Variants in CPNE4 observed in about 807,000 individuals in gnomAD.
CPNE4 encodes copine 4.
Under a neutral mutation model 67.9 loss-of-function variants are expected in CPNE4, and 25 were observed. The ratio of observed to expected loss-of-function variants is 0.37; its 90% CI spans 0.27 to 0.51. CPNE4 has a LOEUF of 0.51. Among genes scored for constraint, CPNE4 ranks in the 20% least tolerant of loss-of-function variants. The pLI, the probability that CPNE4 is intolerant of heterozygous loss-of-function variation, is 0.93. For synonymous variants in CPNE4, 242 were observed against 244.9 expected (o/e 0.99, Z 0.11); for missense variants, 464 against 690.8 (o/e 0.67, Z 3.68).
intron 2 of CPNE4, among the ~76,000 whole-genome samples, chr3:131,792,647 G>GTATA (rs200994347): frequency 0.13 from 5,681 of 42,478 alleles, 607 homozygotes; most frequent in Middle Eastern, 0.22. Flanking sequence ...GTGTATATAT[G>GTATA]TATATATACA....
chr3:131,834,727 A>G (rs1583292894), intron 2 of CPNE4, among the ~76,000 whole-genome samples: 1 of 152,198 alleles, frequency 6.6e-6, no homozygotes, highest in East Asian at 1.9e-4. Context: ...AAGAAATCAC[A>G]GTAGAAAAAA....
At chr3:131,736,115 A>T (rs1270410088) in intron 2 of CPNE4, among the ~76,000 whole-genome samples, 2 of 152,184 alleles carry the variant, frequency 1.3e-5, no homozygotes, top group Non-Finnish European at 2.9e-5. Context: ...TTCAGGCATG[A>T]GTCTCAGGCC....
At chr3:131,736,987 G>A (rs985065492) in intron 2 of CPNE4, among the ~76,000 whole-genome samples, 9 of 151,874 alleles carry the variant, frequency 5.9e-5, no homozygotes, top group African/African-American at 2.2e-4. Context: ...CCCTAAGACT[G>A]TCACAAGATA....
chr3:131,747,918 C>A (rs2082531942), intron 2 of CPNE4, among the ~76,000 whole-genome samples: 1 of 152,078 alleles, frequency 6.6e-6, no homozygotes, highest in African/African-American at 2.4e-5. Flanking sequence ...AGATACCCTG[C>A]TTTGTTGCCT....
intron 1 of CPNE4, among the ~76,000 whole-genome samples, chr3:131,938,859 T>C (rs183929238): frequency 6.6e-6 from 1 of 152,108 alleles, no homozygotes; most frequent in Non-Finnish European, 1.5e-5. Flanking sequence ...AAAGGGCATA[T>C]CACTCAAGTC....
chr3:131,564,426 G>C (rs1356837285), intron 10 of CPNE4, 77 bp from the exon 11 acceptor site: 9 of 1,423,336 alleles, frequency 6.3e-6, no homozygotes, highest in Admixed American at 4.2e-5. Context: ...TCATGAGAGA[G>C]ACCTGGCCTC....
intron 1 of CPNE4, among the ~76,000 whole-genome samples, chr3:131,923,387 G>T (rs1012347326): frequency 6.6e-6 from 1 of 152,158 alleles, no homozygotes; most frequent in Non-Finnish European, 1.5e-5. Flanking sequence ...TAAGGCCTGT[G>T]AGAGGCAGGG....
intron 7 of CPNE4, among the ~76,000 whole-genome samples, chr3:131,594,757 G>T (rs947426432): frequency 3.9e-5 from 6 of 152,148 alleles, no homozygotes; most frequent in African/African-American, 1.4e-4. Flanking sequence ...AGAATTAACG[G>T]GCAACCTATG....
At chr3:131,553,110 G>A (rs1233260211) in intron 12 of CPNE4, among the ~76,000 whole-genome samples, 1 of 152,060 alleles carries the variant, frequency 6.6e-6, no homozygotes, top group East Asian at 1.9e-4. Context: ...CTATGCACAA[G>A]GTCAAATAAC....
chr3:131,886,472 C>T (rs971767973), intron 2 of CPNE4, among the ~76,000 whole-genome samples: 10 of 152,154 alleles, frequency 6.6e-5, no homozygotes, highest in African/African-American at 2.2e-4. Flanking sequence ...GGGTCATAGC[C>T]CCCACACAGA....
intron 2 of CPNE4, among the ~76,000 whole-genome samples, chr3:131,852,380 C>T (rs1292685335): frequency 6.6e-6 from 1 of 151,910 alleles, no homozygotes; most frequent in African/African-American, 2.4e-5. Flanking sequence ...GAAAATGAAT[C>T]AATAGAATTC....
intron 2 of CPNE4, among the ~76,000 whole-genome samples, chr3:131,877,422 T>C (rs1190236984): frequency 2.0e-5 from 3 of 152,146 alleles, no homozygotes; most frequent in Non-Finnish European, 4.4e-5. Flanking sequence ...ACCAGAAACT[T>C]CTTGTTACAT....
At chr3:131,806,908 A>G (rs539232282) in intron 2 of CPNE4, among the ~76,000 whole-genome samples, 15 of 152,330 alleles carry the variant, frequency 9.8e-5, no homozygotes, top group African/African-American at 3.4e-4. Flanking sequence ...TAGTTTTCAC[A>G]GTTCCCCAAA....
intron 7 of CPNE4, among the ~76,000 whole-genome samples, chr3:131,624,023 T>C (rs369399223): frequency 3.3e-5 from 5 of 152,346 alleles, no homozygotes; most frequent in Admixed American, 6.5e-5. Flanking sequence ...TCTTTGGCTC[T>C]GGAAGGGCTG....
At chr3:131,883,653 C>T (rs1227496057) in intron 2 of CPNE4, among the ~76,000 whole-genome samples, 1 of 152,196 alleles carries the variant, frequency 6.6e-6, no homozygotes, top group Non-Finnish European at 1.5e-5. Context: ...ATCATTTTCT[C>T]TCACTCTTGC....
At chr3:131,740,476 G>A (rs1047925162) in intron 2 of CPNE4, among the ~76,000 whole-genome samples, 2 of 152,032 alleles carry the variant, frequency 1.3e-5, no homozygotes, top group African/African-American at 4.8e-5. Flanking sequence ...GAAAACCTTA[G>A]GGTCATACCA....
At chr3:131,821,856 C>T (rs2084972057) in intron 2 of CPNE4, among the ~76,000 whole-genome samples, 1 of 152,160 alleles carries the variant, frequency 6.6e-6, no homozygotes, top group South Asian at 2.1e-4. Context: ...GGTCCTTATG[C>T]CTCCCATTTA....
chr3:131,747,648 A>G (rs892847604), intron 2 of CPNE4, among the ~76,000 whole-genome samples: 7 of 152,144 alleles, frequency 4.6e-5, no homozygotes, highest in South Asian at 2.1e-4. Flanking sequence ...CTGGGATTGC[A>G]GGCATGTACC....
chr3:132,012,167 T>C (rs1205092947), intron 1 of CPNE4, among the ~76,000 whole-genome samples: 1 of 107,262 alleles, frequency 9.3e-6, no homozygotes, highest in African/African-American at 3.2e-5. Flanking sequence ...TTTCTTTTGC[T>C]TTTTCGTTTT....
Sources: gnomAD v4.1 joint callset for allele counts (sites outside exome capture counted in the v4.1 genomes callset) on GRCh38, gnomAD v4.1.1 for gene constraint, MANE v1.5 for transcripts, NCBI Gene and HGNC (gene_info 2026-07-23, HGNC 2026-07-21) for gene names.